The following HDGFL3 variants were observed in gnomAD, a reference collection of about 807,000 sequenced individuals.
The protein encoded by HDGFL3 is HDGF like 3.
Under a neutral mutation model 27.6 loss-of-function variants are expected in HDGFL3, and 6 were observed. The observed-to-expected ratio is 0.22, with a 90% confidence interval of 0.12 to 0.43. The LOEUF (loss-of-function observed/expected upper bound fraction) is 0.43. Ranked by LOEUF, HDGFL3 falls within the 20% of genes least tolerant of loss-of-function variation. The pLI, the probability that HDGFL3 is intolerant of heterozygous loss-of-function variation, is 1.00. For synonymous variants in HDGFL3, 88 were observed against 88.9 expected (o/e 0.99, Z 0.05); for missense variants, 207 against 250.1 (o/e 0.83, Z 1.16).
exon 4 of HDGFL3, chr15:83,114,279 C>CT (rs1275577005): frequency 6.6e-6 from 1 of 152,450 alleles, no homozygotes; most frequent in African/African-American, 2.4e-5. Context: ...TCTGTTACAA[C>CT]TTTGAGTACA....
intron 1 of HDGFL3, among the ~76,000 whole-genome samples, chr15:83,181,896 C>A (rs1018138652): frequency 6.6e-5 from 10 of 152,208 alleles, no homozygotes; most frequent in African/African-American, 2.4e-4. Flanking sequence ...CTATTTTGAA[C>A]AGGCATAAAA....
rs544040568 is a variant in HDGFL3 at position 83,146,623 on chromosome 15, TA to T, written c.606+4591del. On this transcript the variant is annotated intron_variant, in intron 5 of 5. Coordinates refer to ENST00000299633, the MANE Select transcript of HDGFL3 (RefSeq NM_016073.4). Reference sequence around the variant, plus strand: ...CCCTGGCCTCTAATCTTCTTTACCCTACTCTCTGCGAAAACCTTAATTCTAG... The same window carrying T: ...CCCTGGCCTCTAATCTTCTTTACCCTCTCTCTGCGAAAACCTTAATTCTAG... Among the ~76,000 whole-genome samples, 101 of 152,338 alleles carry T rather than the reference TA, an allele frequency of 6.6e-4. 1 individual carries two copies. Among genetic ancestry groups the T allele is most frequent in the African/African-American group, 2.3e-3 (94 of 41,582 alleles).
chr15:83,182,376 G>T (rs992454974), intron 1 of HDGFL3, among the ~76,000 whole-genome samples: 2 of 152,156 alleles, frequency 1.3e-5, no homozygotes, highest in East Asian at 3.8e-4. Flanking sequence ...ATTTGTACAA[G>T]GTTGTTCATA....
At chr15:83,181,190 T>G (rs1217111691) in intron 1 of HDGFL3, among the ~76,000 whole-genome samples, 1 of 152,174 alleles carries the variant, frequency 6.6e-6, no homozygotes, top group African/African-American at 2.4e-5. Context: ...ATGATATACC[T>G]AGAACTTAGT....
At chr15:83,157,867 T>A in intron 3 of HDGFL3, 36 bp downstream of exon 3, 5 of 1,554,784 alleles carry the variant, frequency 3.2e-6, no homozygotes, top group Non-Finnish European at 4.4e-6. Flanking sequence ...ACCAAAGAAA[T>A]GAGATATAGC....
In HDGFL3 at chr15:83,194,364, G is replaced by A. The variant is rs527692016; in HGVS notation, c.84+12967C>T. Among the ~76,000 whole-genome samples the A allele has an allele frequency of 2.3e-4, 35 of 152,300 alleles. 1 individual carries two copies. The South Asian group carries it at 6.8e-3, about 30-fold the overall frequency. On this transcript the variant is annotated intron_variant, in intron 1 of 5. Transcript: ENST00000299633. Reference sequence around the variant, plus strand: ...GTACCCAGAGTAGCCCACTCATAGAGACACAAAGTGGAGAGGTGATTGCCA... The same window carrying A: ...GTACCCAGAGTAGCCCACTCATAGAAACACAAAGTGGAGAGGTGATTGCCA...
rs556566009 is a variant in HDGFL3, at chr15:83,131,460, G to C, written c.*7810C>G. On this transcript the variant is annotated 3_prime_UTR_variant, in exon 6 of 6. Transcript: ENST00000299633. ...AGCCTGGCCAACATGACGAAACCCC[G>C]TCTCTACTAAAAATACAAAAAATTA... The C allele has an allele frequency of 6.6e-6, 1 of 152,048 alleles. No individual in the cohort carries two copies. Among genetic ancestry groups the C allele is most frequent in the East Asian group, 1.9e-4 (1 of 5,164 alleles). The allele number at this position is 152,048 out of a possible 1,614,324, so 9.4% of individuals were successfully genotyped here.
rs2037367967 is a variant in HDGFL3 at position 83,180,555 on chromosome 15, A to T, written c.85-16480T>A. 2.6e-5 allele frequency among the ~76,000 whole-genome samples: 4 copies of T among 152,144 alleles called. No individual in the cohort carries two copies. The South Asian group carries it at 8.3e-4, about 32-fold the overall frequency. ...CCATAGGGGCAGAAGGGAAAATCAC[A>T]GTATGAAAAAGGAAATGCATACAGG... On this transcript the variant is annotated intron_variant, in intron 1 of 5. Transcript: ENST00000299633.
At chr15:83,184,957 T>A (rs191664548) in intron 1 of HDGFL3, 1 of 152,122 alleles carries the variant, frequency 6.6e-6, no homozygotes, top group Admixed American at 6.6e-5. Flanking sequence ...AAGAGGAGAG[T>A]TGGAGGTTAT....
chr15:83,185,601 T>C (rs551781931), intron 1 of HDGFL3, among the ~76,000 whole-genome samples: 2 of 152,294 alleles, frequency 1.3e-5, no homozygotes, highest in East Asian at 1.9e-4. Context: ...GCTGAAAATA[T>C]ACCATGAGAT....
Position 83,130,254 on chromosome 15 carries a change from A to C in HDGFL3, c.*9016T>G, listed in dbSNP as rs895791390. The C allele has an allele frequency of 1.3e-5, 2 of 152,264 alleles. No homozygotes were observed. The highest frequency in any genetic ancestry group is 2.9e-5 in the Non-Finnish European group (2 of 68,080). 9.4% of individuals were successfully genotyped at this position (152,264 alleles called of 1,614,324 possible). A position where few individuals can be genotyped will look rare whatever the true frequency, so the allele number is the denominator to read the frequency against. The stretch of plus-strand genomic sequence containing the variant: ...GCTTAGGAAGGTCATAGCTTAGAGG[A>C]AAATGGGTGTGGTAAGCCTGTAGCA... On this transcript the variant is annotated 3_prime_UTR_variant, in exon 6 of 6. Coordinates refer to ENST00000299633, the MANE Select transcript of HDGFL3 (RefSeq NM_016073.4).
At chr15:83,115,660 C>T in exon 4 of HDGFL3, 1 of 692,270 alleles carries the variant, frequency 1.4e-6, no homozygotes. Flanking sequence ...ATGGGGAGAG[C>T]TGCGAACACA....
At chr15:83,122,808 C>G (rs759611964), downstream of HDGFL3, 1 of 1,613,850 alleles carries the variant, frequency 6.2e-7, no homozygotes, top group African/African-American at 1.3e-5. Flanking sequence ...ATACCATATA[C>G]TTGTCTTCCT....
At chr15:83,141,595 T>A (rs1425070931) in intron 5 of HDGFL3, among the ~76,000 whole-genome samples, 1 of 152,190 alleles carries the variant, frequency 6.6e-6, no homozygotes, top group African/African-American at 2.4e-5. Flanking sequence ...TTAAAGACTT[T>A]TTTTTTAGAG....
At position 83,129,504 on chromosome 15, in the gene HDGFL3, T is replaced by C. The variant is rs2036054552; in HGVS notation, c.*9766A>G. 6.6e-6 allele frequency: 1 copy of C among 152,170 alleles called. No homozygotes were observed. The highest frequency in any genetic ancestry group is 2.4e-5 in the African/African-American group (1 of 41,440). The allele number at this position is 152,170 out of a possible 1,614,324, so 9.4% of individuals were successfully genotyped here. On this transcript the variant is annotated 3_prime_UTR_variant, in exon 6 of 6. Coordinates refer to ENST00000299633, the MANE Select transcript of HDGFL3 (RefSeq NM_016073.4). ...AATAGCTCTGGGAAAAAAACCCCAA[T>C]TTAAAGATGAGGAGGCTGAGGCTCA...
intron 3 of HDGFL3, among the ~76,000 whole-genome samples, chr15:83,120,524 A>C (rs1451475531): frequency 6.6e-6 from 1 of 151,618 alleles, no homozygotes; most frequent in Non-Finnish European, 1.5e-5. Context: ...CAAGGTTGAA[A>C]TGTAGTTTAC....
chr15:83,162,547 T>C (rs924824007), intron 2 of HDGFL3, among the ~76,000 whole-genome samples: 5 of 152,228 alleles, frequency 3.3e-5, no homozygotes, highest in Admixed American at 6.5e-5. Flanking sequence ...AACTTATTTC[T>C]AAGCTTTCTA....
intron 1 of HDGFL3, among the ~76,000 whole-genome samples, chr15:83,197,837 C>T (rs573313357): frequency 1.3e-5 from 2 of 151,690 alleles, no homozygotes; most frequent in Non-Finnish European, 2.9e-5. Context: ...AGTTCGAGAC[C>T]AGCCTGCCCA....
At chr15:83,181,078 G>C (rs556897706) in intron 1 of HDGFL3, 49 of 152,242 alleles carry the variant, frequency 3.2e-4, no homozygotes, top group African/African-American at 1.1e-3. Context: ...ATCTACTAGT[G>C]ATAGAACAAT....
Sources: gnomAD v4.1 joint callset for allele counts (sites outside exome capture counted in the v4.1 genomes callset) on GRCh38, gnomAD v4.1.1 for gene constraint, MANE v1.5 for transcripts, NCBI Gene and HGNC (gene_info 2026-07-23, HGNC 2026-07-21) for gene names.